LRP1B: variants seen among roughly 807,000 people sequenced by gnomAD.
LRP1B encodes LDL receptor related protein 1B.
In LRP1B, 217 loss-of-function variants were observed where a neutral mutation model predicts 556.6. The observed-to-expected ratio is 0.39, with a 90% CI of 0.35 to 0.44. The LOEUF is 0.44. LRP1B is among the 20% of genes least tolerant of loss of function. The pLI is 1.00. For synonymous variants in LRP1B, 2,047 were observed against 1,865.8 expected (o/e 1.10, Z -2.50); for missense variants, 5,053 against 5,620.8 (o/e 0.90, Z 3.23).
At chr2:141,362,912 A>C (rs1463740601) in intron 3 of LRP1B, among the ~76,000 whole-genome samples, 1 of 152,164 alleles carries the variant, frequency 6.6e-6, no homozygotes, top group African/African-American at 2.4e-5. Flanking sequence ...TCATTCCAAA[A>C]GCTTGGTAAA....
chr2:140,764,151 AGCTTCCAG>A (rs1200796949), intron 35 of LRP1B, among the ~76,000 whole-genome samples: 2 of 152,122 alleles, frequency 1.3e-5, no homozygotes, highest in African/African-American at 2.4e-5. Flanking sequence ...TCTTTTTATA[AGCTTCCAG>A]GCATAGAAAA....
intron 55 of LRP1B, among the ~76,000 whole-genome samples, chr2:140,498,853 A>G (rs1018474846): frequency 5.3e-5 from 8 of 151,810 alleles, no homozygotes; most frequent in African/African-American, 1.9e-4. Flanking sequence ...TTTGGTCTGA[A>G]CCTTTGCTTA....
chr2:140,740,030 T>G (rs750766159), intron 35 of LRP1B, among the ~76,000 whole-genome samples: 3 of 152,184 alleles, frequency 2.0e-5, no homozygotes, highest in African/African-American at 4.8e-5. Context: ...CAGTAGTTGT[T>G]GGCGTGGATG....
chr2:141,132,694 C>T (rs561110176), intron 7 of LRP1B, among the ~76,000 whole-genome samples: 16 of 151,910 alleles, frequency 1.1e-4, no homozygotes, highest in South Asian at 8.3e-4. Flanking sequence ...TTAGTATTTA[C>T]ATAGGGAGAA....
chr2:141,906,868 G>A (rs978495046), intron 1 of LRP1B, among the ~76,000 whole-genome samples: 1 of 152,002 alleles, frequency 6.6e-6, no homozygotes, highest in Non-Finnish European at 1.5e-5. Context: ...GTTAGAACAT[G>A]CCCAGTGGCA....
At chr2:140,854,131 GA>G (rs558227214) in intron 27 of LRP1B, among the ~76,000 whole-genome samples, 34 of 149,978 alleles carry the variant, frequency 2.3e-4, no homozygotes, top group African/African-American at 6.8e-4. Flanking sequence ...AGACAAGAAG[GA>G]AAAAAAAGTT....
At chr2:141,133,286 G>C (rs1008030455) in intron 7 of LRP1B, among the ~76,000 whole-genome samples, 1 of 67,698 alleles carries the variant, frequency 1.5e-5, no homozygotes, top group African/African-American at 4.2e-5. Flanking sequence ...TACCTGTAAC[G>C]TCTCTTTTTT....
At chr2:141,693,860 A>G (rs1279255602) in intron 2 of LRP1B, among the ~76,000 whole-genome samples, 2 of 152,008 alleles carry the variant, frequency 1.3e-5, no homozygotes, top group East Asian at 3.9e-4. Context: ...CTGTAGATGG[A>G]TAAAGCCTTC....
intron 41 of LRP1B, among the ~76,000 whole-genome samples, chr2:140,687,978 T>G (rs1380927950): frequency 6.6e-6 from 1 of 152,132 alleles, no homozygotes; most frequent in Non-Finnish European, 1.5e-5. Flanking sequence ...TCTGCTCACT[T>G]CCTGCCATAA....
chr2:141,837,611 C>G (rs1179060691), intron 1 of LRP1B, among the ~76,000 whole-genome samples: 3 of 151,954 alleles, frequency 2.0e-5, no homozygotes, highest in Non-Finnish European at 4.4e-5. Flanking sequence ...ACTGAATAAG[C>G]CTGCAAGACT....
intron 16 of LRP1B, among the ~76,000 whole-genome samples, chr2:140,991,123 A>G (rs900842899): frequency 6.6e-6 from 1 of 152,172 alleles, no homozygotes; most frequent in Non-Finnish European, 1.5e-5. Flanking sequence ...TACTCACTTC[A>G]GGGACTTTAG....
chr2:140,294,666 G>T (rs1223390316), intron 84 of LRP1B, among the ~76,000 whole-genome samples: 1 of 152,150 alleles, frequency 6.6e-6, no homozygotes, highest in African/African-American at 2.4e-5. Flanking sequence ...ACCTAGGATG[G>T]ATAGTAATAG....
chr2:140,376,580 A>C (rs2105179379), intron 68 of LRP1B, among the ~76,000 whole-genome samples: 1 of 152,352 alleles, frequency 6.6e-6, no homozygotes, highest in Admixed American at 6.5e-5. Flanking sequence ...TGTTTAAAAA[A>C]AAAAATGTTT....
chr2:141,516,238 C>G (rs1684309356), intron 2 of LRP1B, among the ~76,000 whole-genome samples: 1 of 151,940 alleles, frequency 6.6e-6, no homozygotes, highest in African/African-American at 2.4e-5. Flanking sequence ...ATTTCTCTTT[C>G]TATAACACTC....
chr2:141,354,629 G>A (rs945626804), intron 3 of LRP1B, among the ~76,000 whole-genome samples: 2 of 151,926 alleles, frequency 1.3e-5, no homozygotes, highest in African/African-American at 4.8e-5. Context: ...GACCGAGGAG[G>A]AAAAAAGTCT....
chr2:141,809,072 A>G (rs999607899), intron 2 of LRP1B, among the ~76,000 whole-genome samples: 2 of 152,098 alleles, frequency 1.3e-5, no homozygotes, highest in Non-Finnish European at 2.9e-5. Flanking sequence ...GAGTTTTGAA[A>G]GGTTTTTGGG....
At chr2:141,939,598 T>A (rs921396572) in intron 1 of LRP1B, among the ~76,000 whole-genome samples, 3 of 152,114 alleles carry the variant, frequency 2.0e-5, no homozygotes, top group Non-Finnish European at 2.9e-5. Flanking sequence ...AAACCAAAGT[T>A]AATAAATACT....
At chr2:140,693,418 A>G (rs1686315598) in intron 41 of LRP1B, among the ~76,000 whole-genome samples, 1 of 152,022 alleles carries the variant, frequency 6.6e-6, no homozygotes, top group African/African-American at 2.4e-5. Context: ...CCTGGACTCA[A>G]GAGATCCTCC....
chr2:140,793,925 T>A (rs1328470746), intron 32 of LRP1B, among the ~76,000 whole-genome samples: 2 of 152,088 alleles, frequency 1.3e-5, no homozygotes, highest in Non-Finnish European at 2.9e-5. Flanking sequence ...GTTTTATACG[T>A]AAATTATAAA....
Sources: gnomAD v4.1 joint callset for allele counts (sites outside exome capture counted in the v4.1 genomes callset) on GRCh38, gnomAD v4.1.1 for gene constraint, MANE v1.5 for transcripts, NCBI Gene and HGNC (gene_info 2026-07-23, HGNC 2026-07-21) for gene names.